The following SNX8 variants were observed in gnomAD, a reference collection of about 807,000 sequenced individuals.
SNX8 encodes sorting nexin-8.
A neutral mutation model predicts 51.6 loss-of-function variants in SNX8; 25 were observed. The ratio of observed to expected loss-of-function variants is 0.48; its 90% CI spans 0.35 to 0.68. The LOEUF (loss-of-function observed/expected upper bound fraction) is 0.68. Among genes scored for constraint, SNX8 ranks in the 30% least tolerant of loss-of-function variants. The pLI is 0.00. For synonymous variants in SNX8, 324 were observed against 277.0 expected, an observed-to-expected ratio of 1.17 and a Z score of -1.68; for missense variants, 695 against 624.0, an observed-to-expected ratio of 1.11 and a Z score of -1.21.
chr7:2,257,991 C>A (rs1308987345), intron 7 of SNX8, among the ~76,000 whole-genome samples, 188 bp from the exon 8 acceptor site: 3 of 151,640 alleles, frequency 2.0e-5, no homozygotes, highest in African/African-American at 4.9e-5. Flanking sequence ...GGCGGACACG[C>A]CTTCGAGCCC....
intron 1 of SNX8, among the ~76,000 whole-genome samples, chr7:2,292,344 C>T (rs1391985107): frequency 6.6e-6 from 1 of 152,036 alleles, no homozygotes; most frequent in Non-Finnish European, 1.5e-5. Flanking sequence ...AATGCAAGAG[C>T]TACCATTACA....
chr7:2,281,400 C>A (rs1440888712), intron 1 of SNX8, among the ~76,000 whole-genome samples: 4 of 148,978 alleles, frequency 2.7e-5, no homozygotes, highest in African/African-American at 9.9e-5. Context: ...GCCTGGGTGA[C>A]AGAGTAAGAC....
intron 1 of SNX8, among the ~76,000 whole-genome samples, chr7:2,329,123 T>C (rs955793031): frequency 6.9e-6 from 1 of 144,610 alleles, no homozygotes; most frequent in East Asian, 2.0e-4. Context: ...TACAAAAAAT[T>C]AGCCAGGTGT....
chr7:2,292,799 T>A (rs1796184169), intron 1 of SNX8, among the ~76,000 whole-genome samples: 1 of 151,948 alleles, frequency 6.6e-6, no homozygotes, highest in South Asian at 2.1e-4. Flanking sequence ...GTGAGAGGGT[T>A]TCCTCGAGGC....
At chr7:2,315,973 TCATA>T (rs1428649868), upstream of SNX8, among the ~76,000 whole-genome samples, 1 of 140,518 alleles carries the variant, frequency 7.1e-6, no homozygotes, top group Non-Finnish European at 1.5e-5. Flanking sequence ...CACTGCTTCT[TCATA>T]CATTCATTCA....
At chr7:2,267,992 T>A (rs1795516798) in intron 5 of SNX8, among the ~76,000 whole-genome samples, 4 of 146,882 alleles carry the variant, frequency 2.7e-5, no homozygotes, top group African/African-American at 5.1e-5. Flanking sequence ...GGAGCGCCTC[T>A]GCCCGGCCGA....
intron 1 of SNX8, among the ~76,000 whole-genome samples, chr7:2,353,874 T>G (rs1345381835): frequency 6.6e-6 from 1 of 152,276 alleles, no homozygotes; most frequent in East Asian, 1.9e-4. Flanking sequence ...CCTCCCAAAG[T>G]GCTGGGATAA....
At chr7:2,256,733 G>C in intron 10 of SNX8, 141 bp downstream of exon 10, 1 of 731,506 alleles carries the variant, frequency 1.4e-6, no homozygotes, top group South Asian at 2.2e-5. Context: ...CGAGCACCGT[G>C]TTCCAAGGCC....
intron 1 of SNX8, among the ~76,000 whole-genome samples, chr7:2,351,432 C>T (rs2115255108): frequency 6.6e-6 from 1 of 152,006 alleles, no homozygotes; most frequent in South Asian, 2.1e-4. Context: ...TGGATCTGTA[C>T]TACCAGATAC....
chr7:2,334,437 C>T (rs1778789484), intron 1 of SNX8, among the ~76,000 whole-genome samples: 1 of 150,554 alleles, frequency 6.6e-6, no homozygotes, highest in African/African-American at 2.4e-5. Flanking sequence ...GTGGCTCGCG[C>T]CTGTAATCCC....
intron 1 of SNX8, among the ~76,000 whole-genome samples, chr7:2,329,121 A>C (rs146898348): frequency 0.034 from 4,999 of 147,576 alleles, 188 homozygotes; most frequent in African/African-American, 0.082. Flanking sequence ...AATACAAAAA[A>C]TTAGCCAGGT....
intron 6 of SNX8, 152 bp from the exon 7 acceptor site, chr7:2,263,514 C>T: frequency 1.3e-6 from 1 of 763,900 alleles, no homozygotes; most frequent in Non-Finnish European, 2.0e-6. Context: ...CTGTGGGGAC[C>T]CTGGGAGCCC....
intron 1 of SNX8, among the ~76,000 whole-genome samples, chr7:2,280,689 CTTT>C (rs1288309966): frequency 6.6e-6 from 1 of 151,998 alleles, no homozygotes; most frequent in Non-Finnish European, 1.5e-5. Flanking sequence ...AAAGACACTT[CTTT>C]AACTCTCGAT....
chr7:2,306,072 C>G (rs568497711), intron 1 of SNX8, among the ~76,000 whole-genome samples: 1 of 152,290 alleles, frequency 6.6e-6, no homozygotes, highest in East Asian at 1.9e-4. Flanking sequence ...TTATCAGGCT[C>G]TGTAGGGTCT....
chr7:2,297,872 G>A (rs897429313), intron 1 of SNX8, among the ~76,000 whole-genome samples: 3 of 151,800 alleles, frequency 2.0e-5, no homozygotes, highest in African/African-American at 7.3e-5. Flanking sequence ...TGGGATAACA[G>A]ACACTGGACC....
intron 5 of SNX8, among the ~76,000 whole-genome samples, chr7:2,267,321 TC>T (rs1795490332): frequency 2.2e-5 from 1 of 45,846 alleles, no homozygotes; most frequent in Non-Finnish European, 4.7e-5. Flanking sequence ...CCCCTCCCCC[TC>T]CCCCTCCCCC....
chr7:2,263,611 G>A (rs1795390786), intron 6 of SNX8, among the ~76,000 whole-genome samples: 1 of 152,230 alleles, frequency 6.6e-6, no homozygotes, highest in African/African-American at 2.4e-5. Flanking sequence ...GTGTGCACAG[G>A]TGACGGGCAC....
intron 1 of SNX8, among the ~76,000 whole-genome samples, chr7:2,289,837 C>T (rs1209962136): frequency 6.6e-6 from 1 of 152,184 alleles, no homozygotes; most frequent in Non-Finnish European, 1.5e-5. Context: ...GCGGAGGCTA[C>T]AGTGAGCCAT....
chr7:2,293,139 C>T lies in SNX8; in HGVS notation c.95-14834G>A, dbSNP rs566764503. 1.5e-3 allele frequency among the ~76,000 whole-genome samples: 222 copies of T among 150,374 alleles called. 2 individuals are homozygous for T. Among genetic ancestry groups the T allele is most frequent in the African/African-American group, 5.1e-3 (209 of 41,138 alleles). ...AGACCAGGCTGGGCACAGTGGCTCA[C>T]GCCTGTAATCATAGCACTTTTGGGA... On this transcript the variant is annotated intron_variant, in intron 1 of 10. Transcript: ENST00000222990.
Sources: allele counts gnomAD v4.1 joint callset (sites outside exome capture counted in the v4.1 genomes callset), GRCh38; gene constraint gnomAD v4.1.1; transcripts MANE v1.5; gene names NCBI Gene and HGNC (gene_info 2026-07-23, HGNC 2026-07-21).